The following ANO10 variants were observed in gnomAD, a reference collection of about 807,000 sequenced individuals.
ANO10 encodes the protein anoctamin 10, also known as anoctamin-10.
ANO10 carries 77 observed loss-of-function variants against 74.7 expected under a neutral mutation model. The observed-to-expected ratio is 1.03, with a 90% CI of 0.86 to 1.25. The LOEUF is 1.25. ANO10 is among the 50% of genes most tolerant of loss of function. The pLI is 0.00. For missense variants in ANO10, 721 were observed against 778.1 expected, an observed-to-expected ratio of 0.93 and a Z score of 0.87; for synonymous variants, 279 against 284.9, an observed-to-expected ratio of 0.98 and a Z score of 0.21.
At chr3:43,643,771 C>T (rs1003807604) in intron 1 of ANO10, among the ~76,000 whole-genome samples, 1 of 150,030 alleles carries the variant, frequency 6.7e-6, no homozygotes, top group Non-Finnish European at 1.5e-5. Context: ...GCAAGCTCTG[C>T]CTCCTGGGTT....
intron 4 of ANO10, among the ~76,000 whole-genome samples, chr3:43,591,318 C>T (rs965242678): frequency 2.0e-5 from 3 of 152,150 alleles, no homozygotes; most frequent in East Asian, 1.9e-4. Context: ...GCTAGAAGCT[C>T]GCCATTGTTC....
chr3:43,516,908 C>G (rs1397409425), intron 11 of ANO10, among the ~76,000 whole-genome samples: 1 of 152,140 alleles, frequency 6.6e-6, no homozygotes, highest in Non-Finnish European at 1.5e-5. Flanking sequence ...AGGTGACATG[C>G]CTTCTTCTGA....
chr3:43,643,723 G>T (rs1045933746), intron 1 of ANO10, among the ~76,000 whole-genome samples: 3 of 130,946 alleles, frequency 2.3e-5, no homozygotes, highest in Non-Finnish European at 4.6e-5. Flanking sequence ...TCGCTCTGTC[G>T]CCTAGGCTGG....
intron 7 of ANO10, among the ~76,000 whole-genome samples, 196 bp from the exon 8 acceptor site, chr3:43,565,923 C>A (rs1019944986): frequency 6.6e-5 from 10 of 152,172 alleles, no homozygotes; most frequent in Admixed American, 4.6e-4. Context: ...ATCTGAGGTA[C>A]CGGGTTCATC....
At chr3:43,661,850 A>C (rs2083930508) in intron 1 of ANO10, among the ~76,000 whole-genome samples, 1 of 152,256 alleles carries the variant, frequency 6.6e-6, no homozygotes, top group Non-Finnish European at 1.5e-5. Context: ...TATCAAGAAG[A>C]GCTAACTATC....
chr3:43,590,556 TCAGGAAAAA>T (rs1394258482), intron 4 of ANO10, among the ~76,000 whole-genome samples: 1 of 152,084 alleles, frequency 6.6e-6, no homozygotes, highest in African/African-American at 2.4e-5. Flanking sequence ...TTTCCAGTTT[TCAGGAAAAA>T]CAGAGGATAG....
At chr3:43,519,056 T>C (rs2077834727) in intron 11 of ANO10, among the ~76,000 whole-genome samples, 1 of 152,116 alleles carries the variant, frequency 6.6e-6, no homozygotes, top group South Asian at 2.1e-4. Context: ...CCTGCTGACA[T>C]GTGATGTCTC....
chr3:43,488,741 C>A (rs1575241788), intron 11 of ANO10, among the ~76,000 whole-genome samples: 1 of 152,190 alleles, frequency 6.6e-6, no homozygotes, highest in East Asian at 1.9e-4. Context: ...ACTAGTTCAA[C>A]CATTGTGGAA....
chr3:43,410,862 T>C (rs1207607398), intron 12 of ANO10, among the ~76,000 whole-genome samples: 1 of 152,112 alleles, frequency 6.6e-6, no homozygotes, highest in African/African-American at 2.4e-5. Flanking sequence ...TAAGATTTTC[T>C]GTGAATGTTT....
At chr3:43,635,767 G>A (rs563748326) in intron 1 of ANO10, among the ~76,000 whole-genome samples, 2 of 151,946 alleles carry the variant, frequency 1.3e-5, no homozygotes, top group South Asian at 2.1e-4. Context: ...CTACAGACGC[G>A]CACCCACCAT....
chr3:43,655,383 C>T (rs1004460872), intron 1 of ANO10, among the ~76,000 whole-genome samples: 7 of 152,146 alleles, frequency 4.6e-5, no homozygotes, highest in East Asian at 1.9e-4. Context: ...CAGACCTTGG[C>T]GGTGAGTGTT....
chr3:43,691,113 G>A, intron 1 of ANO10: 18 of 1,395,904 alleles, frequency 1.3e-5, no homozygotes, highest in Non-Finnish European at 1.6e-5. Context: ...AGGGCCCAGC[G>A]GGCAGCACCA....
At chr3:43,402,883 T>G (rs568962994) in intron 12 of ANO10, among the ~76,000 whole-genome samples, 1 of 152,354 alleles carries the variant, frequency 6.6e-6, no homozygotes, top group Admixed American at 6.5e-5. Flanking sequence ...TACCATGGTC[T>G]GTTAAGGATT....
At chr3:43,647,501 C>T (rs2083740195) in intron 1 of ANO10, among the ~76,000 whole-genome samples, 1 of 152,034 alleles carries the variant, frequency 6.6e-6, no homozygotes, top group Non-Finnish European at 1.5e-5. Flanking sequence ...TGCCCACACA[C>T]CTTGGTGAGA....
intron 11 of ANO10, among the ~76,000 whole-genome samples, chr3:43,530,541 CCA>C (rs2078416155): frequency 6.6e-6 from 1 of 151,628 alleles, no homozygotes; most frequent in Admixed American, 6.6e-5. Context: ...GTTTCACTTT[CCA>C]CAGTTTCAGA....
intron 1 of ANO10, among the ~76,000 whole-genome samples, chr3:43,611,677 T>A (rs2082824298): frequency 1.3e-5 from 2 of 152,180 alleles, no homozygotes; most frequent in African/African-American, 4.8e-5. Flanking sequence ...GCTTGCCACA[T>A]AGCAGGCATG....
intron 11 of ANO10, among the ~76,000 whole-genome samples, chr3:43,449,458 G>T (rs1167958001): frequency 6.8e-6 from 1 of 146,490 alleles, no homozygotes; most frequent in South Asian, 2.2e-4. Context: ...TTACATTTAG[G>T]TTTCTGATCC....
rs192702421 is a variant in ANO10 at position 43,593,510 on chromosome 3, A to G, written c.472+5022T>C. 2.0e-5 allele frequency among the ~76,000 whole-genome samples: 3 copies of G among 152,334 alleles called. No individual in the cohort carries two copies. The East Asian group carries it at 5.8e-4, about 29-fold the overall frequency. ...CAGAATTTCATATCCAGACAAACTA[A>G]GCTTCATAAGTGAAGGACAAATAAA... On this transcript the variant is annotated intron_variant, in intron 4 of 12. Coordinates refer to ENST00000292246, the MANE Select transcript of ANO10 (RefSeq NM_018075.5).
intron 12 of ANO10, among the ~76,000 whole-genome samples, chr3:43,394,191 G>A (rs921340159): frequency 6.6e-6 from 1 of 152,040 alleles, no homozygotes; most frequent in African/African-American, 2.4e-5. Context: ...CCTGGAAGAG[G>A]GGCCTTAGAC....
Sources: allele counts gnomAD v4.1 joint callset (sites outside exome capture counted in the v4.1 genomes callset), GRCh38; gene constraint gnomAD v4.1.1; transcripts MANE v1.5; gene names NCBI Gene and HGNC (gene_info 2026-07-23, HGNC 2026-07-21).